The following SLC25A26 variants were observed in gnomAD, a reference collection of about 807,000 sequenced individuals.
The protein encoded by SLC25A26 is mitochondrial S-adenosylmethionine carrier protein.
In SLC25A26, 36 loss-of-function variants were observed where a neutral mutation model predicts 37.8. The observed-to-expected ratio is 0.95, with a 90% CI of 0.73 to 1.26. The LOEUF (loss-of-function observed/expected upper bound fraction) is 1.26, where lower values mean the gene tolerates loss of function less well. Among genes scored for constraint, SLC25A26 ranks in the 50% most tolerant of loss-of-function variants. The pLI, the probability that SLC25A26 is intolerant of heterozygous loss-of-function variation, is 0.00. For synonymous variants in SLC25A26, 129 were observed against 122.5 expected, an observed-to-expected ratio of 1.05 and a Z score of -0.35; for missense variants, 390 against 331.1, an observed-to-expected ratio of 1.18 and a Z score of -1.38.
chr3:66,288,423 A>G (rs11128196), intron 5 of SLC25A26, among the ~76,000 whole-genome samples: 40,228 of 152,030 alleles, frequency 0.26, 6,098 homozygotes, highest in East Asian at 0.63. Context: ...TGCTGCAACC[A>G]TCAACCCGTC....
At chr3:66,355,865 A>G (rs2076562517) in intron 6 of SLC25A26, among the ~76,000 whole-genome samples, 1 of 152,224 alleles carries the variant, frequency 6.6e-6, no homozygotes. Context: ...CCAGAGGATG[A>G]TATCAAGAGC....
In SLC25A26 at chr3:66,247,644, T is replaced by C. The variant is rs1474133215; in HGVS notation, c.300+4332T>C. On this transcript the variant is annotated intron_variant, in intron 3 of 9. Coordinates refer to ENST00000354883, the MANE Select transcript of SLC25A26 (RefSeq NM_001379210.1). ...CTTAAATGGACTTTAAATTCAGTTATGGTTTAGTATGCTGAGAAGTTTGCC... is the reference window on the plus strand; with the variant it reads ...CTTAAATGGACTTTAAATTCAGTTACGGTTTAGTATGCTGAGAAGTTTGCC... Among the ~76,000 whole-genome samples the C allele has an allele frequency of 2.6e-5, 4 of 152,200 alleles. No homozygotes were observed. The East Asian group carries it at 5.8e-4, about 22-fold the overall frequency.
At chr3:66,190,712 A>G (rs2070925443) in intron 1 of SLC25A26, among the ~76,000 whole-genome samples, 1 of 152,242 alleles carries the variant, frequency 6.6e-6, no homozygotes, top group Admixed American at 6.5e-5. Context: ...TACAGGCATG[A>G]GCCACTGTGC....
chr3:66,203,219 A>G (rs1431185264), intron 1 of SLC25A26, among the ~76,000 whole-genome samples: 1 of 152,068 alleles, frequency 6.6e-6, no homozygotes, highest in East Asian at 1.9e-4. Context: ...TGTTTCTATA[A>G]ATAATTAAAA....
At chr3:66,220,860 T>G (rs1553657945), upstream of SLC25A26, 1 of 575,988 alleles carries the variant, frequency 1.7e-6, no homozygotes, top group Non-Finnish European at 3.0e-6. Flanking sequence ...GAAACCGAGG[T>G]AAGGGATTTG....
intron 5 of SLC25A26, among the ~76,000 whole-genome samples, chr3:66,273,441 A>G (rs2074024039): frequency 6.6e-6 from 1 of 151,962 alleles, no homozygotes; most frequent in Non-Finnish European, 1.5e-5. Flanking sequence ...TTGGTTGGTA[A>G]GCTATTATTG....
chr3:66,372,038 A>C (rs1051929808), intron 9 of SLC25A26, among the ~76,000 whole-genome samples: 6 of 152,206 alleles, frequency 3.9e-5, no homozygotes, highest in African/African-American at 1.4e-4. Context: ...GGTTATAGTG[A>C]GTTACAACTG....
intron 6 of SLC25A26, among the ~76,000 whole-genome samples, chr3:66,348,266 T>C (rs538241868): frequency 6.6e-6 from 1 of 152,338 alleles, no homozygotes; most frequent in African/African-American, 2.4e-5. Flanking sequence ...TGTGGGTCTT[T>C]GTCAGCATTT....
chr3:66,303,632 G>T (rs752824904), intron 5 of SLC25A26, among the ~76,000 whole-genome samples: 26 of 152,308 alleles, frequency 1.7e-4, no homozygotes, highest in Non-Finnish European at 3.2e-4. Context: ...TCACTTAGGG[G>T]AATGTCTAGA....
intron 1 of SLC25A26, among the ~76,000 whole-genome samples, chr3:66,195,675 G>C (rs1260226694): frequency 6.6e-6 from 1 of 152,192 alleles, no homozygotes; most frequent in Non-Finnish European, 1.5e-5. Flanking sequence ...TATTTTAGGG[G>C]TGTATTACAG....
At chr3:66,247,157 C>T (rs2072885727) in intron 3 of SLC25A26, among the ~76,000 whole-genome samples, 1 of 152,096 alleles carries the variant, frequency 6.6e-6, no homozygotes, top group Non-Finnish European at 1.5e-5. Context: ...AGCCACCGCG[C>T]CAGGCCCCTA....
chr3:66,169,738 G>A (rs1256540039), intron 1 of SLC25A26, among the ~76,000 whole-genome samples: 1 of 152,146 alleles, frequency 6.6e-6, no homozygotes, highest in Non-Finnish European at 1.5e-5. Flanking sequence ...TCACATACTA[G>A]CATGCAGATA....
At chr3:66,177,002 C>T (rs2070599092) in intron 1 of SLC25A26, among the ~76,000 whole-genome samples, 1 of 152,162 alleles carries the variant, frequency 6.6e-6, no homozygotes, top group South Asian at 2.1e-4. Flanking sequence ...AGTAAAGTCT[C>T]CCTCTAGCTA....
chr3:66,356,917 G>A (rs1361881847), intron 6 of SLC25A26, among the ~76,000 whole-genome samples: 4 of 152,064 alleles, frequency 2.6e-5, no homozygotes, highest in Admixed American at 6.6e-5. Context: ...GGCACGAGCC[G>A]CTGCACTCGG....
chr3:66,247,461 C>A (rs2107156187), intron 3 of SLC25A26, among the ~76,000 whole-genome samples: 1 of 152,154 alleles, frequency 6.6e-6, no homozygotes, highest in African/African-American at 2.4e-5. Flanking sequence ...GCAGGTGCCA[C>A]TATGCCTGGC....
rs557509264 is a variant in SLC25A26, at chr3:66,341,781, A to T, written c.454-4583A>T. ...TAGGTTAATTTCTTTTATTGGGTAT[A>T]TGCTCTTTTCTTTATGTACGGTGTA... is the stretch of plus-strand genomic sequence containing the variant. On this transcript the variant is annotated intron_variant, in intron 5 of 9. Transcript: ENST00000354883. Among the ~76,000 whole-genome samples, 5 of 152,258 alleles carry T rather than the reference A, an allele frequency of 3.3e-5. No individual in the cohort carries two copies. The South Asian group carries it at 1.0e-3, about 32-fold the overall frequency.
At chr3:66,331,271 T>C (rs546250889) in intron 5 of SLC25A26, among the ~76,000 whole-genome samples, 3 of 152,268 alleles carry the variant, frequency 2.0e-5, no homozygotes, top group South Asian at 2.1e-4. Context: ...TCTTAAGGAA[T>C]GTTGATTGAT....
intron 6 of SLC25A26, among the ~76,000 whole-genome samples, chr3:66,353,365 C>T (rs1482811051): frequency 1.3e-5 from 2 of 152,166 alleles, no homozygotes; most frequent in Non-Finnish European, 2.9e-5. Flanking sequence ...AGGTGCTGGC[C>T]TGGTCTTTGT....
intron 7 of SLC25A26, among the ~76,000 whole-genome samples, chr3:66,365,164 T>A (rs1054484998): frequency 6.6e-6 from 1 of 152,194 alleles, no homozygotes; most frequent in Non-Finnish European, 1.5e-5. Context: ...CACGCTGCAC[T>A]TGCAGACTTT....
Sources: allele counts gnomAD v4.1 joint callset (sites outside exome capture counted in the v4.1 genomes callset), GRCh38; gene constraint gnomAD v4.1.1; transcripts MANE v1.5; gene names NCBI Gene and HGNC (gene_info 2026-07-23, HGNC 2026-07-21).